Variants in HEPH observed in about 807,000 individuals in gnomAD.
HEPH encodes the protein hephaestin.
A neutral mutation model predicts 80.8 loss-of-function variants in HEPH; 69 were observed. The observed-to-expected ratio is 0.85, with a 90% CI of 0.70 to 1.04. The LOEUF is 1.04. Ranked by LOEUF, HEPH falls within the 50% of genes least tolerant of loss-of-function variation. The probability of loss-of-function intolerance (pLI) is 0.00; values close to 1 mark genes in which losing one functional copy is unlikely to be tolerated. For synonymous variants in HEPH, 431 were observed against 322.8 expected, an observed-to-expected ratio of 1.34 and a Z score of -3.60; for missense variants, 1,115 against 891.3, an observed-to-expected ratio of 1.25 and a Z score of -3.20.
At chrX:66,211,704 G>A (rs1300742993) in intron 15 of HEPH, among the ~76,000 whole-genome samples, 1 of 111,325 alleles carries the variant, frequency 9.0e-6, no homozygotes, top group Non-Finnish European at 1.9e-5. Context: ...GTATTCCATT[G>A]TGTATATATA....
intron 14 of HEPH, 55 bp from the exon 15 acceptor site, chrX:66,208,060 C>A (rs776793513): frequency 2.1e-6 from 2 of 941,290 alleles, no homozygotes; most frequent in African/African-American, 3.9e-5. Context: ...TTAATGCTCC[C>A]TGTGCTCCTG....
Position 66,203,537 on chromosome X carries a change from A to G in HEPH, c.2251A>G (p.Ser751Gly). ...EVEWDYCPDR[S>G]WEREWHNQSE... Reference sequence around the variant, plus strand: ...AGAGTGGGACTATTGCCCTGACCGGAGCTGGGAACGGGAATGGCACAACCA... The same window carrying G: ...AGAGTGGGACTATTGCCCTGACCGGGGCTGGGAACGGGAATGGCACAACCA... Residue 751 changes from serine (S) to glycine (G), a missense_variant, in exon 13 of 21, where the codon AGC becomes GGC. Around this residue, in one of 3 missense-constraint regions of HEPH, gnomAD observed 716 missense variants for 523.5 expected, o/e 1.37. Coordinates refer to ENST00000343002, the MANE Select transcript of HEPH (RefSeq NM_001367233.3). The G allele has an allele frequency of 5.0e-6, 6 of 1,211,865 alleles. No individual in the cohort carries two copies. Among genetic ancestry groups the G allele is most frequent in the Non-Finnish European group, 6.7e-6 (6 of 895,430 alleles).
rs1453495458 is a variant in HEPH at position 66,192,256 on chromosome X, G to T, written c.1190G>T (p.Gly397Val). 1 of 1,211,002 alleles carries T rather than the reference G, an allele frequency of 8.3e-7. No homozygotes were observed. Among genetic ancestry groups the T allele is most frequent in the Admixed American group, 2.2e-5 (1 of 46,041 alleles). The change falls in exon 7 of 21, where the codon GGG (glycine) becomes GTG (valine). Residue 397 changes from glycine to valine, a missense_variant. This residue lies in a region of HEPH where 391 missense variants were observed against 343.6 expected (regional missense o/e 1.14). Transcript: ENST00000343002. ...ATTCAATGGGACTATGGCCCGATGG[G>T]GCATGATGGGAGTACTGGGAAGAAT... ...HEIQWDYGPM[G>V]HDGSTGKNLR...
intron 11 of HEPH, among the ~76,000 whole-genome samples, chrX:66,200,175 C>A (rs190372316): frequency 9.4e-6 from 1 of 105,944 alleles, no homozygotes; most frequent in African/African-American, 3.5e-5. Flanking sequence ...TGTAAAAGGA[C>A]CAGAAAGTAT....
At chrX:66,224,334 T>C (rs1324926285) in intron 15 of HEPH, among the ~76,000 whole-genome samples, 1 of 111,202 alleles carries the variant, frequency 9.0e-6, no homozygotes, top group Non-Finnish European at 1.9e-5. Context: ...TTTTTTTTTT[T>C]CCTTCAGTTA....
chrX:66,209,785 T>C (rs2089012342), intron 15 of HEPH, among the ~76,000 whole-genome samples: 1 of 111,924 alleles, frequency 8.9e-6, no homozygotes, highest in Non-Finnish European at 1.9e-5. Context: ...TTCATCAAGA[T>C]AGGGAACATA....
chrX:66,166,260 T>G (rs2086356369), intron 1 of HEPH, among the ~76,000 whole-genome samples: 2 of 111,596 alleles, frequency 1.8e-5, no homozygotes, highest in Admixed American at 9.5e-5. Context: ...ATGGTGCGAT[T>G]TCGGCTCACC....
chrX:66,176,044 G>C (rs954445547), intron 4 of HEPH, among the ~76,000 whole-genome samples: 1 of 111,154 alleles, frequency 9.0e-6, no homozygotes, highest in Non-Finnish European at 1.9e-5. Context: ...AGCATTTCCA[G>C]TACTAAGTTG....
In HEPH at chrX:66,192,144, C is replaced by T; in HGVS notation, c.1078C>T (p.Leu360Phe). 2.5e-6 allele frequency: 3 copies of T among 1,207,264 alleles called. No homozygotes were observed. Among genetic ancestry groups the T allele is most frequent in the Non-Finnish European group, 3.4e-6 (3 of 893,340 alleles). Residue 360 changes from leucine (L) to phenylalanine (F), a missense_variant, in exon 7 of 21, where the codon CTC (leucine) becomes TTC (phenylalanine). Physicochemically the swap from Leu to Phe is conservative, Grantham distance 22 (BLOSUM62 0). Transcript: ENST00000343002. ...NSHFRDGMQA[L>F]YKVKSCSMAP... ...TCTTCCTTCAGATGGCATGCAGGCA[C>T]TCTACAAGGTCAAGTCTTGCTCCAT...
chrX:66,258,338 G>C (rs896923745), intron 17 of HEPH, among the ~76,000 whole-genome samples: 3 of 111,552 alleles, frequency 2.7e-5, no homozygotes, highest in Non-Finnish European at 3.8e-5. Flanking sequence ...AGTCTTTCTG[G>C]GGGAGTGAAG....
intron 11 of HEPH, among the ~76,000 whole-genome samples, chrX:66,200,241 G>GGTGTGTGTGTGTGT (rs57136656): frequency 0.013 from 1,217 of 91,196 alleles, 45 homozygotes; most frequent in African/African-American, 0.055. Flanking sequence ...AGGAGAGATT[G>GGTGTGTGTGTGTGT]GTGTGTGTGT....
At chrX:66,202,631 C>A (rs1437142210) in intron 12 of HEPH, among the ~76,000 whole-genome samples, 3 of 110,441 alleles carry the variant, frequency 2.7e-5, no homozygotes, top group African/African-American at 9.9e-5. Context: ...TCAAGACATT[C>A]TCTTTCTTTT....
At chrX:66,260,412 C>A (rs943249278) in intron 19 of HEPH, 150 bp downstream of exon 19, 25 of 427,359 alleles carry the variant, frequency 5.8e-5, no homozygotes, top group African/African-American at 4.0e-4. Context: ...CTAGGTATTG[C>A]CCCAACCAGT....
At chrX:66,224,379 G>A (rs1198549177) in intron 15 of HEPH, among the ~76,000 whole-genome samples, 5 of 110,020 alleles carry the variant, frequency 4.5e-5, no homozygotes, top group Non-Finnish European at 9.5e-5. Flanking sequence ...TGTCCTGAAG[G>A]GAGTTCCTCC....
chrX:66,200,083 T>C (rs2088342966), intron 11 of HEPH, among the ~76,000 whole-genome samples: 1 of 109,809 alleles, frequency 9.1e-6, no homozygotes, highest in East Asian at 2.9e-4. Context: ...GGTTGAGAGC[T>C]GAAGATGGAA....
intron 13 of HEPH, among the ~76,000 whole-genome samples, chrX:66,206,074 G>T (rs1264217): frequency 0.36 from 39,591 of 109,904 alleles, 7,737 homozygotes; most frequent in African/African-American, 0.76. Flanking sequence ...AAATCTGTTT[G>T]TAAACTAGAC....
chrX:66,214,686 G>T (rs2089304550), intron 15 of HEPH, among the ~76,000 whole-genome samples: 1 of 108,845 alleles, frequency 9.2e-6, no homozygotes, highest in African/African-American at 3.4e-5. Context: ...TATGCTATTA[G>T]CTATAGATCC....
chrX:66,222,932 T>A (rs1022039715), intron 15 of HEPH, among the ~76,000 whole-genome samples: 2 of 111,064 alleles, frequency 1.8e-5, no homozygotes, highest in Non-Finnish European at 3.8e-5. Context: ...GATGAAAGAG[T>A]TAAATTTTTC....
At chrX:66,253,783 G>A (rs2091081580) in intron 15 of HEPH, among the ~76,000 whole-genome samples, 1 of 111,983 alleles carries the variant, frequency 8.9e-6, no homozygotes, top group African/African-American at 3.2e-5. Context: ...GTATTGATAT[G>A]TGCTACAAAG....
Sources: gnomAD v4.1 joint callset for allele counts (sites outside exome capture counted in the v4.1 genomes callset) on GRCh38, gnomAD v4.1.1 for gene constraint, gnomAD v4.1.1 regional missense constraint, MANE v1.5 for transcripts, NCBI Gene and HGNC (gene_info 2026-07-23, HGNC 2026-07-21) for gene names.